Variants in PPP2R2C observed in about 807,000 individuals in gnomAD.
PPP2R2C encodes the protein protein phosphatase 2, regulatory subunit B, gamma.
Under a neutral mutation model 45.3 loss-of-function variants are expected in PPP2R2C, and 10 were observed. That is an observed-to-expected ratio of 0.22 (90% CI 0.14 to 0.37). PPP2R2C has a LOEUF of 0.37. Ranked by LOEUF, PPP2R2C falls within the 10% of genes least tolerant of loss-of-function variation. PPP2R2C has a pLI of 1.00. For missense variants in PPP2R2C, 308 were observed against 619.7 expected (o/e 0.50, Z 5.34); for synonymous variants, 257 against 245.4 (o/e 1.05, Z -0.44).
At chr4:6,448,093 G>A (rs988087018) in intron 1 of PPP2R2C, among the ~76,000 whole-genome samples, 1 of 152,142 alleles carries the variant, frequency 6.6e-6, no homozygotes, top group Non-Finnish European at 1.5e-5. Flanking sequence ...ACCCCGCACA[G>A]AGGAGCTTCC....
chr4:6,416,994 A>G (rs1222117899), intron 1 of PPP2R2C, among the ~76,000 whole-genome samples: 1 of 152,028 alleles, frequency 6.6e-6, no homozygotes, highest in Non-Finnish European at 1.5e-5. Context: ...ACTCTGCTCC[A>G]CTACCCCCTG....
chr4:6,487,419 G>A (rs907518386), intron 2 of PPP2R2C, among the ~76,000 whole-genome samples: 13 of 151,654 alleles, frequency 8.6e-5, no homozygotes, highest in South Asian at 2.1e-4. Context: ...TCTTTAAGCC[G>A]TTATGTCTCA....
intron 5 of PPP2R2C, among the ~76,000 whole-genome samples, chr4:6,355,065 C>T (rs1183028852): frequency 2.0e-5 from 3 of 152,176 alleles, no homozygotes; most frequent in Admixed American, 6.5e-5. Context: ...TCTCTTTTTG[C>T]AAGCATTAAT....
At chr4:6,408,861 A>C in intron 1 of PPP2R2C, among the ~76,000 whole-genome samples, 1 of 136,284 alleles carries the variant, frequency 7.3e-6, no homozygotes, top group Non-Finnish European at 1.5e-5. Flanking sequence ...GGGCCTCTCA[A>C]GGATCCTGTG....
chr4:6,485,829 T>A (rs1722511506), intron 2 of PPP2R2C, among the ~76,000 whole-genome samples: 1 of 151,992 alleles, frequency 6.6e-6, no homozygotes, highest in Non-Finnish European at 1.5e-5. Flanking sequence ...TTTTAACCAA[T>A]AAATAACCAA....
intron 2 of PPP2R2C, among the ~76,000 whole-genome samples, chr4:6,499,221 T>G (rs1456450441): frequency 6.6e-6 from 1 of 152,178 alleles, no homozygotes; most frequent in Non-Finnish European, 1.5e-5. Context: ...AAAACCCAAC[T>G]ATGAGCAGCC....
At chr4:6,474,659 G>A (rs754457207), upstream of PPP2R2C, among the ~76,000 whole-genome samples, 1 of 152,148 alleles carries the variant, frequency 6.6e-6, no homozygotes, top group Non-Finnish European at 1.5e-5. Flanking sequence ...GGACCCTGCA[G>A]TGGGTGGTCT....
At chr4:6,489,583 A>G (rs1722632062) in intron 2 of PPP2R2C, among the ~76,000 whole-genome samples, 1 of 152,242 alleles carries the variant, frequency 6.6e-6, no homozygotes, top group Non-Finnish European at 1.5e-5. Context: ...CTTTGAAAAT[A>G]CTTCTTCAAC....
chr4:6,356,347 C>T (rs1713188293), intron 5 of PPP2R2C, among the ~76,000 whole-genome samples: 1 of 152,208 alleles, frequency 6.6e-6, no homozygotes, highest in South Asian at 2.1e-4. Flanking sequence ...AGGTGTGCCC[C>T]TTCTACATTG....
intron 5 of PPP2R2C, among the ~76,000 whole-genome samples, chr4:6,371,599 G>T (rs891736761): frequency 4.6e-5 from 7 of 152,192 alleles, no homozygotes; most frequent in African/African-American, 1.7e-4. Flanking sequence ...TAGAAGCGGG[G>T]ACTCTGGGGC....
At chr4:6,488,838 A>G (rs1031983930) in intron 2 of PPP2R2C, among the ~76,000 whole-genome samples, 1 of 152,184 alleles carries the variant, frequency 6.6e-6, no homozygotes, top group Non-Finnish European at 1.5e-5. Flanking sequence ...GTGAATTACA[A>G]GATTTTCCAG....
intron 2 of PPP2R2C, among the ~76,000 whole-genome samples, chr4:6,524,112 G>A (rs1434405328): frequency 2.6e-5 from 4 of 151,952 alleles, no homozygotes; most frequent in Admixed American, 6.6e-5. Flanking sequence ...AGTAGAGACA[G>A]GGTTTCACCA....
upstream of PPP2R2C, among the ~76,000 whole-genome samples, chr4:6,473,943 AGGCCCTGG>A (rs976781360): frequency 1.2e-4 from 18 of 152,262 alleles, no homozygotes; most frequent in African/African-American, 4.3e-4. Context: ...GCCTGGGGAG[AGGCCCTGG>A]GGCCCTGCCA....
At chr4:6,394,260 CA>C (rs1190042558) in intron 1 of PPP2R2C, among the ~76,000 whole-genome samples, 10 of 152,216 alleles carry the variant, frequency 6.6e-5, no homozygotes, top group African/African-American at 2.4e-4. Context: ...AAGTTATAAA[CA>C]GTCTCTGAGC....
intron 2 of PPP2R2C, among the ~76,000 whole-genome samples, chr4:6,503,579 T>C (rs1723127788): frequency 6.6e-6 from 1 of 152,168 alleles, no homozygotes; most frequent in Admixed American, 6.5e-5. Flanking sequence ...TACAGGCTCA[T>C]GGGAGACCCC....
intron 2 of PPP2R2C, among the ~76,000 whole-genome samples, chr4:6,500,719 G>C (rs1723022528): frequency 1.3e-5 from 2 of 152,358 alleles, no homozygotes; most frequent in South Asian, 4.1e-4. Context: ...GACCCCAAAT[G>C]ACAAATAGCC....
chr4:6,325,089 G>C (rs981717086), intron 8 of PPP2R2C, among the ~76,000 whole-genome samples: 17 of 152,132 alleles, frequency 1.1e-4, no homozygotes, highest in African/African-American at 3.9e-4. Context: ...CGTGAGCTCC[G>C]GCACTGCAGT....
rs1174317093 is a variant in PPP2R2C at position 6,321,171 on chromosome 4, A to C, written c.*2131T>G. 1 of 152,262 alleles carries C rather than the reference A, an allele frequency of 6.6e-6. No homozygotes were observed. Among genetic ancestry groups the C allele is most frequent in the Admixed American group, 6.5e-5 (1 of 15,278 alleles). 9.4% of individuals were successfully genotyped at this position (152,262 alleles called of 1,614,324 possible). ...AGGACATGTAAGATTTGTACTTTGA[A>C]GATGGTAAATGTTAAATCTATGATG... On this transcript the variant is annotated 3_prime_UTR_variant, in exon 9 of 9. Transcript: ENST00000382599.
At position 6,368,298 on chromosome 4, in the gene PPP2R2C, A is replaced by T. The variant is rs1377794971; in HGVS notation, c.625+4225T>A. On this transcript the variant is annotated intron_variant, in intron 5 of 8. Transcript: ENST00000382599. The surrounding 1 kb of genome is among the most constrained non-coding windows in gnomAD (Gnocchi z 4.2). ...GCCAGCAGCAGGCGTGGCTGGAGAG[A>T]AATGTACACGGCTGCGCTGGCTGGG... Among the ~76,000 whole-genome samples, 1 of 152,128 alleles carries T rather than the reference A, an allele frequency of 6.6e-6. No homozygotes were observed. Among genetic ancestry groups the T allele is most frequent in the African/African-American group, 2.4e-5 (1 of 41,408 alleles).
Sources: gnomAD v4.1 joint callset for allele counts (sites outside exome capture counted in the v4.1 genomes callset) on GRCh38, gnomAD v4.1.1 for gene constraint, Gnocchi (gnomAD v3.1) non-coding constraint, MANE v1.5 for transcripts, NCBI Gene and HGNC (gene_info 2026-07-23, HGNC 2026-07-21) for gene names.